Variants in CTSS observed in about 807,000 individuals in gnomAD.
CTSS encodes cathepsin S.
A neutral mutation model predicts 39.9 loss-of-function variants in CTSS; 15 were observed. The observed-to-expected ratio is 0.38, with a 90% confidence interval of 0.25 to 0.58. The LOEUF is 0.58. CTSS is among the 20% of genes least tolerant of loss of function. The pLI is 0.70. For missense variants in CTSS, 250 were observed against 398.2 expected, an observed-to-expected ratio of 0.63 and a Z score of 3.17; for synonymous variants, 126 against 138.2, an observed-to-expected ratio of 0.91 and a Z score of 0.62.
chr1:150,764,888 T>G lies in CTSS; in HGVS notation c.-1-124A>C, dbSNP rs930559315. ...AGGGACAGACTATTATAAACAGAAT[T>G]ATACAGGAAAATTCCTGGGATATAT... On this transcript the variant is annotated intron_variant, in intron 1 of 7. Transcript: ENST00000368985. The G allele has an allele frequency of 4.4e-6, 5 of 1,142,022 alleles. No individual in the cohort carries two copies. In the African/African-American group the frequency reaches 7.7e-5, roughly 18 times the overall value. The allele number at this position is 1,142,022 out of a possible 1,614,324, so 70.7% of individuals were successfully genotyped here.
intron 7 of CTSS, 83 bp from the exon 8 acceptor site, chr1:150,733,228 T>A: frequency 1.0e-6 from 1 of 993,044 alleles, no homozygotes; most frequent in Admixed American, 2.3e-5. Flanking sequence ...GTTTTTCTCC[T>A]ATAAGTGATT....
At chr1:150,749,572 ACCCCGCCCCGCCCCG>A (rs1025330281) in intron 6 of CTSS, among the ~76,000 whole-genome samples, 1 of 46,680 alleles carries the variant, frequency 2.1e-5, no homozygotes, top group Non-Finnish European at 4.4e-5. Context: ...GCCCCGCCTC[ACCCCGCCCCGCCCCG>A]CCCCGCCCCA....
At position 150,732,967 on chromosome 1, in the gene CTSS, C is replaced by A; in HGVS notation, c.*79G>T. 2 of 1,000,104 alleles carry A rather than the reference C, an allele frequency of 2.0e-6. No homozygotes were observed. The highest frequency in any genetic ancestry group is 2.5e-5 in the East Asian group (1 of 39,648). The allele number at this position is 1,000,104 out of a possible 1,614,324, so 62.0% of individuals were successfully genotyped here. ...CACATTAATCATGACACAATTATTT[C>A]TTCTGGATACAGCAGGAAAAATTAA... On this transcript the variant is annotated 3_prime_UTR_variant, in exon 8 of 8. Transcript: ENST00000368985.
At chr1:150,742,035 G>A (rs1390689873) in intron 7 of CTSS, among the ~76,000 whole-genome samples, 2 of 151,580 alleles carry the variant, frequency 1.3e-5, no homozygotes, top group African/African-American at 2.4e-5. Flanking sequence ...TCAAGAGATC[G>A]AGATCATCCT....
intron 5 of CTSS, among the ~76,000 whole-genome samples, chr1:150,750,420 G>T (rs1652985326): frequency 6.6e-6 from 1 of 152,120 alleles, no homozygotes; most frequent in African/African-American, 2.4e-5. Context: ...CAGGACAATG[G>T]CCCCTCAGAC....
At chr1:150,759,111 C>T (rs918432452) in intron 2 of CTSS, among the ~76,000 whole-genome samples, 1 of 150,852 alleles carries the variant, frequency 6.6e-6, no homozygotes, top group Non-Finnish European at 1.5e-5. Flanking sequence ...CTTAAAGGAT[C>T]CTTCCCCCTT....
chr1:150,756,708 C>CTTTTTTTTTTTTTTTTTTTT (rs72242218), intron 3 of CTSS, among the ~76,000 whole-genome samples: 5 of 131,174 alleles, frequency 3.8e-5, no homozygotes, highest in Admixed American at 8.2e-5. Flanking sequence ...TTCTTTCTTT[C>CTTTTTTTTTTTTTTTTTTTT]TTTTTTTTTT....
At chr1:150,747,505 AGAG>A (rs1262081308) in intron 7 of CTSS, among the ~76,000 whole-genome samples, 10 of 152,196 alleles carry the variant, frequency 6.6e-5, no homozygotes, top group Admixed American at 4.6e-4. Flanking sequence ...TGGGCTAAAT[AGAG>A]GAGAGGAATA....
chr1:150,742,734 C>A (rs587666642), intron 7 of CTSS, among the ~76,000 whole-genome samples: 1 of 152,060 alleles, frequency 6.6e-6, no homozygotes, highest in South Asian at 2.1e-4. Flanking sequence ...ATGGATAGGG[C>A]TGGGTGGGTT....
At chr1:150,753,706 T>C (rs1571102721) in intron 4 of CTSS, among the ~76,000 whole-genome samples, 1 of 152,154 alleles carries the variant, frequency 6.6e-6, no homozygotes, top group East Asian at 1.9e-4. Flanking sequence ...TCCCAGGACT[T>C]TGGGAGGTGG....
intron 7 of CTSS, among the ~76,000 whole-genome samples, chr1:150,735,144 G>A (rs1025976653): frequency 4.6e-5 from 7 of 152,182 alleles, no homozygotes; most frequent in African/African-American, 1.7e-4. Context: ...AATTACAAAG[G>A]CAAAGGGAAG....
chr1:150,745,197 A>C (rs1208978361), intron 7 of CTSS, among the ~76,000 whole-genome samples: 2 of 152,154 alleles, frequency 1.3e-5, no homozygotes, highest in East Asian at 3.8e-4. Flanking sequence ...TAAAGATTTA[A>C]GGGGTGTTAT....
At chr1:150,756,871 C>G (rs587664407) in intron 3 of CTSS, among the ~76,000 whole-genome samples, 1 of 152,016 alleles carries the variant, frequency 6.6e-6, no homozygotes, top group Admixed American at 6.6e-5. Context: ...CATGTGCCAC[C>G]ACGCCCAGCT....
chr1:150,754,670 C>T (rs1348665892), intron 4 of CTSS, among the ~76,000 whole-genome samples: 4 of 152,116 alleles, frequency 2.6e-5, no homozygotes, highest in East Asian at 1.9e-4. Flanking sequence ...TCAGGTGATG[C>T]GCCTGCCTCA....
At chr1:150,757,524 A>C (rs1405604384) in intron 3 of CTSS, among the ~76,000 whole-genome samples, 4 of 152,156 alleles carry the variant, frequency 2.6e-5, no homozygotes, top group African/African-American at 9.7e-5. Context: ...TAAATTGTCA[A>C]TCTAGACTTA....
intron 7 of CTSS, among the ~76,000 whole-genome samples, chr1:150,740,341 T>C (rs889675973): frequency 2.0e-5 from 3 of 152,136 alleles, no homozygotes; most frequent in Non-Finnish European, 2.9e-5. Context: ...ATGAATAGGA[T>C]TTGTAATGAC....
intron 7 of CTSS, among the ~76,000 whole-genome samples, chr1:150,745,287 G>A (rs771755647): frequency 1.3e-5 from 2 of 152,118 alleles, no homozygotes; most frequent in Non-Finnish European, 2.9e-5. Context: ...TTTAGAGATA[G>A]GGTTGATGTA....
intron 2 of CTSS, among the ~76,000 whole-genome samples, chr1:150,760,432 G>A (rs1468434745): frequency 1.3e-5 from 2 of 152,170 alleles, no homozygotes; most frequent in East Asian, 3.9e-4. Context: ...AGGCCATTCT[G>A]CTAAGATCAG....
At chr1:150,759,151 T>C (rs1477842334) in intron 2 of CTSS, among the ~76,000 whole-genome samples, 2 of 151,880 alleles carry the variant, frequency 1.3e-5, no homozygotes, top group African/African-American at 4.8e-5. Flanking sequence ...ATTACAGGCA[T>C]GAACCATACA....
Sources: gnomAD v4.1 joint callset for allele counts (sites outside exome capture counted in the v4.1 genomes callset) on GRCh38, gnomAD v4.1.1 for gene constraint, MANE v1.5 for transcripts, NCBI Gene and HGNC (gene_info 2026-07-23, HGNC 2026-07-21) for gene names.